The following KLHL7 variants were observed in gnomAD, a reference collection of about 807,000 sequenced individuals.
KLHL7 encodes kelch like family member 7, also known as kelch-like protein 7.
KLHL7 carries 44 observed loss-of-function variants against 67.4 expected under a neutral mutation model. The observed-to-expected ratio is 0.65, with a 90% CI of 0.51 to 0.84. KLHL7 has a LOEUF of 0.84. KLHL7 is among the 40% of genes least tolerant of loss of function. KLHL7 has a pLI of 0.00. For synonymous variants in KLHL7, 252 were observed against 243.3 expected (o/e 1.04, Z -0.33); for missense variants, 362 against 718.1 (o/e 0.50, Z 5.67).
intron 1 of KLHL7, among the ~76,000 whole-genome samples, chr7:23,111,141 G>A (rs1782853127): frequency 6.6e-6 from 1 of 152,146 alleles, no homozygotes; most frequent in South Asian, 2.1e-4. Flanking sequence ...TACAACGAGG[G>A]CATATGGGTG....
At chr7:23,173,890 G>A (rs958030530) in intron 10 of KLHL7, 125 bp from the exon 11 acceptor site, 146 of 961,584 alleles carry the variant, frequency 1.5e-4, no homozygotes, top group Admixed American at 6.2e-5. Flanking sequence ...AATTATTACA[G>A]TTTTTCTGTG....
At position 23,105,984 on chromosome 7, in the gene KLHL7, G is replaced by T; in HGVS notation, c.-43G>T. On this transcript the variant is annotated 5_prime_UTR_variant, in exon 1 of 11. Transcript: ENST00000339077. Reference sequence around the variant, plus strand: ...GTGTGCCCAGAGAGTGCGACCCCTCGCCCGGCCCGGCGAGCCCCGGGCGTG... The same window carrying T: ...GTGTGCCCAGAGAGTGCGACCCCTCTCCCGGCCCGGCGAGCCCCGGGCGTG... 1 of 1,596,466 alleles carries T rather than the reference G, an allele frequency of 6.3e-7. No homozygotes were observed. The highest frequency in any genetic ancestry group is 1.1e-5 in the South Asian group (1 of 88,228).
intron 4 of KLHL7, among the ~76,000 whole-genome samples, chr7:23,132,023 A>G (rs767138148): frequency 1.5e-4 from 23 of 152,172 alleles, no homozygotes; most frequent in Admixed American, 3.9e-4. Flanking sequence ...CATTGTGTAT[A>G]TATACCACAG....
In KLHL7 at chr7:23,176,129, A is replaced by AT. The variant is rs1189709519; in HGVS notation, c.*1832dup. The AT allele has an allele frequency of 2.6e-5, 4 of 152,296 alleles. No homozygotes were observed. Among genetic ancestry groups the AT allele is most frequent in the East Asian group, 3.9e-4 (2 of 5,188 alleles). The allele number at this position is 152,296 out of a possible 1,614,324, so 9.4% of individuals were successfully genotyped here. ...CGCCCCTGTATTTCCTAGGGCTACCATAACAAACTACTGCAAACTTGGTGG... is the reference window on the plus strand; with the variant it reads ...CGCCCCTGTATTTCCTAGGGCTACCATTAACAAACTACTGCAAACTTGGTGG... On this transcript the variant is annotated 3_prime_UTR_variant, in exon 11 of 11. Coordinates refer to ENST00000339077, the MANE Select transcript of KLHL7 (RefSeq NM_001031710.3).
chr7:23,161,006 T>A (rs1211428183), intron 7 of KLHL7, among the ~76,000 whole-genome samples: 4 of 152,238 alleles, frequency 2.6e-5, no homozygotes, highest in Non-Finnish European at 5.9e-5. Flanking sequence ...TTAGTTTGAA[T>A]TAAATGTTCC....
chr7:23,157,768 A>T (rs551332200), intron 7 of KLHL7, among the ~76,000 whole-genome samples: 2 of 152,296 alleles, frequency 1.3e-5, no homozygotes, highest in South Asian at 4.1e-4. Context: ...ATCTCCAAGA[A>T]ACCCCCAGTG....
intron 5 of KLHL7, among the ~76,000 whole-genome samples, chr7:23,143,438 C>T (rs1784255079): frequency 6.6e-6 from 1 of 152,054 alleles, no homozygotes; most frequent in South Asian, 2.1e-4. Flanking sequence ...CATGGGTGAC[C>T]TTCGTATCTC....
At chr7:23,118,001 A>G in intron 1 of KLHL7, 2 of 1,612,548 alleles carry the variant, frequency 1.2e-6, no homozygotes, top group South Asian at 1.1e-5. Flanking sequence ...GGGATATAAC[A>G]AAGAATAGAA....
intron 4 of KLHL7, among the ~76,000 whole-genome samples, chr7:23,135,267 A>G (rs1204020408): frequency 6.6e-6 from 1 of 152,140 alleles, no homozygotes; most frequent in Admixed American, 6.5e-5. Context: ...ATTAATATCT[A>G]GTTTTATTCC....
intron 4 of KLHL7, chr7:23,125,614 G>A (rs1391100605): frequency 1.1e-6 from 1 of 932,324 alleles, no homozygotes; most frequent in East Asian, 2.7e-5. Context: ...CTAATTCTTA[G>A]CTACTACACC....
intron 1 of KLHL7, among the ~76,000 whole-genome samples, chr7:23,117,170 C>A (rs1410410207): frequency 1.4e-5 from 2 of 147,412 alleles, no homozygotes; most frequent in African/African-American, 2.5e-5. Flanking sequence ...TCACTGCAAC[C>A]TCTGCCTCCC....
chr7:23,157,273 A>G (rs1340977722), intron 7 of KLHL7, among the ~76,000 whole-genome samples: 1 of 152,260 alleles, frequency 6.6e-6, no homozygotes, highest in Non-Finnish European at 1.5e-5. Context: ...TACAATGATC[A>G]GAAGCACCTA....
intron 10 of KLHL7, among the ~76,000 whole-genome samples, chr7:23,173,288 C>T (rs906986212): frequency 1.2e-4 from 18 of 152,252 alleles, no homozygotes; most frequent in African/African-American, 4.3e-4. Context: ...CCTATACATT[C>T]CCAGATACCT....
At chr7:23,165,604 A>C in intron 7 of KLHL7, 94 bp from the exon 8 acceptor site, 1 of 1,354,964 alleles carries the variant, frequency 7.4e-7, no homozygotes, top group Non-Finnish European at 1.0e-6. Flanking sequence ...ATAAATTAAC[A>C]TATTCTTATA....
intron 7 of KLHL7, among the ~76,000 whole-genome samples, chr7:23,164,370 C>T (rs1784939177): frequency 6.6e-6 from 1 of 152,170 alleles, no homozygotes; most frequent in South Asian, 2.1e-4. Context: ...ATATGAAGAA[C>T]ATTTAAGAGA....
At chr7:23,116,336 C>G (rs1413256913) in intron 1 of KLHL7, among the ~76,000 whole-genome samples, 1 of 152,206 alleles carries the variant, frequency 6.6e-6, no homozygotes, top group Admixed American at 6.5e-5. Flanking sequence ...CTCCTCAAAA[C>G]CTTGCTTTTC....
rs1263892620 is a variant in KLHL7, at chr7:23,123,844, C to A, written c.188C>A (p.Ala63Asp). ...ATACCTGCTCATCGTGTTGTTCTTGCTGCAGCCAGTCATTTTTTTAACTTA... is the reference window on the plus strand; with the variant it reads ...ATACCTGCTCATCGTGTTGTTCTTGATGCAGCCAGTCATTTTTTTAACTTA... ...RKIPAHRVVLAAASHFFNLMF... is the reference protein window; with the variant it reads ...RKIPAHRVVLDAASHFFNLMF... Residue 63 changes from alanine to aspartate, a missense_variant, in exon 2 of 11, where the codon GCT (alanine) becomes GAT (aspartate). Coordinates refer to ENST00000339077, the MANE Select transcript of KLHL7 (RefSeq NM_001031710.3). The A allele has an allele frequency of 6.2e-7, 1 of 1,613,242 alleles. No homozygotes were observed. Among genetic ancestry groups the A allele is most frequent in the Non-Finnish European group, 8.5e-7 (1 of 1,179,654 alleles).
intron 4 of KLHL7, chr7:23,125,643 G>T: frequency 7.9e-7 from 1 of 1,269,874 alleles, no homozygotes; most frequent in Non-Finnish European, 1.0e-6. Context: ...TCCCCACATT[G>T]TCAAAATGCT....
intron 5 of KLHL7, among the ~76,000 whole-genome samples, chr7:23,141,715 C>T (rs11975594): frequency 3.5e-4 from 53 of 152,020 alleles, no homozygotes; most frequent in Non-Finnish European, 7.1e-4. Flanking sequence ...CTCCTTCTCC[C>T]GAGTTCACGC....
Sources: allele counts gnomAD v4.1 joint callset (sites outside exome capture counted in the v4.1 genomes callset), GRCh38; gene constraint gnomAD v4.1.1; transcripts MANE v1.5; gene names NCBI Gene and HGNC (gene_info 2026-07-23, HGNC 2026-07-21).